The following KCNN4 variants were observed in gnomAD, a reference collection of about 807,000 sequenced individuals.
KCNN4 encodes intermediate conductance calcium-activated potassium channel protein 4.
In KCNN4, 31 loss-of-function variants were observed where a neutral mutation model predicts 45.2. That is an observed-to-expected ratio of 0.69 (90% confidence interval 0.52 to 0.92). The LOEUF is 0.92. Among genes scored for constraint, KCNN4 ranks in the 40% least tolerant of loss-of-function variants. KCNN4 has a pLI of 0.00. For missense variants in KCNN4, 463 were observed against 574.0 expected (o/e 0.81, Z 1.98); for synonymous variants, 231 against 254.6 (o/e 0.91, Z 0.88).
In KCNN4 at chr19:43,772,241, C is replaced by T; in HGVS notation, c.684-106G>A. ...CCATCCCCTTCCCTCTGGTTCCCTC[C>T]CTTCCCCTCCCAGTATACACCCATA... On this transcript the variant is annotated intron_variant, in intron 3 of 8. Coordinates refer to ENST00000648319, the MANE Select transcript of KCNN4 (RefSeq NM_002250.3). The surrounding 1 kb of genome is among the most constrained non-coding windows in gnomAD (Gnocchi z 4.4). The T allele has an allele frequency of 8.1e-7, 1 of 1,232,050 alleles. No homozygotes were observed. The highest frequency in any genetic ancestry group is 1.1e-6 in the Non-Finnish European group (1 of 887,412). The allele number at this position is 1,232,050 out of a possible 1,614,324, so 76.3% of individuals were successfully genotyped here.
At chr19:43,770,758 G>A (rs925349305) in intron 4 of KCNN4, among the ~76,000 whole-genome samples, 11 of 152,176 alleles carry the variant, frequency 7.2e-5, no homozygotes, top group Admixed American at 5.9e-4. Flanking sequence ...TATGTGCTCC[G>A]GAAAAGTAAG....
At position 43,772,511 on chromosome 19, in the gene KCNN4, G is replaced by A. The variant is rs1433684170; in HGVS notation, c.684-376C>T. 6.6e-6 allele frequency among the ~76,000 whole-genome samples: 1 copy of A among 152,150 alleles called. No individual in the cohort carries two copies. Among genetic ancestry groups the A allele is most frequent in the Non-Finnish European group, 1.5e-5 (1 of 68,040 alleles). On this transcript the variant is annotated intron_variant, in intron 3 of 8. Transcript: ENST00000648319. This position sits in a 1 kb window ranked among gnomAD's most constrained non-coding sequence, Gnocchi z 4.4. The stretch of plus-strand genomic sequence containing the variant: ...AAACCCAGTCAGACCCTGACTGGTG[G>A]CTACATCCACCCAGAGGAAGGGGTA...
Position 43,776,644 on chromosome 19 carries a change from G to T in KCNN4, c.160-8C>A, listed in dbSNP as rs775420730. The T allele has an allele frequency of 3.1e-6, 5 of 1,598,096 alleles. No homozygotes were observed. Among genetic ancestry groups the T allele is most frequent in the Non-Finnish European group, 4.3e-6 (5 of 1,165,462 alleles). ...GAACAGGTAGAGCGCCCACTGTCAG[G>T]GGGGACGGAAAAAGCGGTGTGAGAT... On this transcript the variant is annotated splice_region_variant and splice_polypyrimidine_tract_variant and intron_variant, in intron 1 of 8. Transcript: ENST00000648319.
Position 43,769,116 on chromosome 19 carries a change from G to C in KCNN4, c.1050-84C>G. 6 of 1,401,916 alleles carry C rather than the reference G, an allele frequency of 4.3e-6. No homozygotes were observed. Among genetic ancestry groups the C allele is most frequent in the Non-Finnish European group, 6.1e-6 (6 of 987,524 alleles). The allele number at this position is 1,401,916 out of a possible 1,614,324, so 86.8% of individuals were successfully genotyped here. On this transcript the variant is annotated intron_variant, in intron 6 of 8. Transcript: ENST00000648319. The surrounding 1 kb of genome is among the most constrained non-coding windows in gnomAD (Gnocchi z 4.4). ...TCAGGGGAGGAATGAAGGGAGGAGA[G>C]GCACATGAAGAAACAAAACAAAGAA...
At chr19:43,767,325 G>A in intron 8 of KCNN4, 1 of 572,534 alleles carries the variant, frequency 1.7e-6, no homozygotes, top group Non-Finnish European at 3.1e-6. Flanking sequence ...AGAGGGAGAA[G>A]GCCATCAAGG....
rs148101715 is a variant in KCNN4, at chr19:43,780,812, C to A, written c.50G>T (p.Arg17Leu). The change falls in exon 1 of 9, where the codon CGC (arginine) becomes CTC (leucine). Residue 17 changes from arginine (R) to leucine (L), a missense_variant. Around this residue, in one of 3 missense-constraint regions of KCNN4, gnomAD observed 225 missense variants for 240.9 expected, o/e 0.93. Transcript: ENST00000648319. ...CAGAGACTTCTCCTGCTCCAGCAAG[C>A]GCTTTCGGCGTCTCAAGGCCCCCAG... ...LGLGALRRRK[R>L]LLEQEKSLAG... 2 of 1,614,032 alleles carry A rather than the reference C, an allele frequency of 1.2e-6. No homozygotes were observed. Among genetic ancestry groups the A allele is most frequent in the East Asian group, 4.5e-5 (2 of 44,872 alleles).
In KCNN4 at chr19:43,774,282, A is replaced by C. The variant is rs763151870; in HGVS notation, c.593T>G (p.Leu198Arg). 4 of 1,612,842 alleles carry C rather than the reference A, an allele frequency of 2.5e-6. No individual in the cohort carries two copies. The South Asian group carries it at 4.4e-5, about 18-fold the overall frequency. Residue 198 changes from leucine (L) to arginine (R), a missense_variant, in exon 3 of 9, where the codon CTT (leucine) becomes CGT (arginine). Transcript: ENST00000648319. The surrounding 1 kb of genome is among the most constrained non-coding windows in gnomAD (Gnocchi z 5.6). Reference protein sequence around the residue: ...VRFRHWFVAKLYMNTHPGRLL... With the variant: ...VRFRHWFVAKRYMNTHPGRLL... ...GCGGCCAGGGTGCGTGTTCATGTAA[A>C]GCTTGGCCACGAACCAGTGGCGGAA... is the stretch of plus-strand genomic sequence containing the variant.
rs143769673 is a variant in KCNN4 at position 43,773,032 on chromosome 19, G to A, written c.684-897C>T. ...AAGGAGTTTAAACTCATGACAGAGG[G>A]CGGGCATGGTAATCCCAGCACTTTG... is the stretch of plus-strand genomic sequence containing the variant. On this transcript the variant is annotated intron_variant, in intron 3 of 8. Transcript: ENST00000648319. Among the ~76,000 whole-genome samples the A allele has an allele frequency of 6.8e-3, 1,038 of 152,328 alleles. 11 individuals carry two copies. Among genetic ancestry groups the A allele is most frequent in the African/African-American group, 0.023 (962 of 41,572 alleles).
At position 43,780,822 on chromosome 19, in the gene KCNN4, G is replaced by A. The variant is rs201622697; in HGVS notation, c.40C>T (p.Arg14Cys). 6.3e-5 allele frequency: 101 copies of A among 1,613,872 alleles called. No individual in the cohort carries two copies. The highest frequency in any genetic ancestry group is 1.6e-4 in the Middle Eastern group (1 of 6,084). ...TCCTGCTCCAGCAAGCGCTTTCGGC[G>A]TCTCAAGGCCCCCAGGCCAAGCACC... Reference protein sequence around the residue: ...DLVLGLGALRRRKRLLEQEKS... With the variant: ...DLVLGLGALRCRKRLLEQEKS... Residue 14 changes from arginine to cysteine, a missense_variant, in exon 1 of 9, where the codon CGC becomes TGC. Arg to Cys is a radical substitution (Grantham distance 180). Transcript: ENST00000648319.
In KCNN4 at chr19:43,766,546, AT is replaced by A. The variant is rs575863585; in HGVS notation, c.*546del. 3.1e-3 allele frequency: 478 copies of A among 152,382 alleles called. 3 individuals carry two copies. The highest frequency in any genetic ancestry group is 3.8e-3 in the Non-Finnish European group (258 of 68,056). The allele number at this position is 152,382 out of a possible 1,614,324, so 9.4% of individuals were successfully genotyped here. On this transcript the variant is annotated 3_prime_UTR_variant, in exon 9 of 9. Transcript: ENST00000648319. ...AGAAATGGCAACTTCTGGCTTTAAC[AT>A]TTATTACAAAGATAAGAGCAGAGGC...
intron 7 of KCNN4, among the ~76,000 whole-genome samples, chr19:43,768,127 G>T (rs1969533793): frequency 6.6e-6 from 1 of 152,218 alleles, no homozygotes; most frequent in African/African-American, 2.4e-5. Context: ...ATCCCTGAGG[G>T]TTTGTGGATT....
chr19:43,772,095 A>G lies in KCNN4; in HGVS notation c.724T>C (p.Trp242Arg), dbSNP rs1197930453. 6.2e-7 allele frequency: 1 copy of G among 1,613,684 alleles called. No individual in the cohort carries two copies. Residue 242 changes from tryptophan to arginine, a missense_variant, in exon 4 of 9, where the codon TGG (tryptophan) becomes CGG (arginine). Physicochemically the swap from Trp to Arg is moderately radical, Grantham distance 101. Transcript: ENST00000648319. The surrounding 1 kb of genome is among the most constrained non-coding windows in gnomAD (Gnocchi z 4.4). ...NATGHLSDTL[W>R]LIPITFLTIG... ...GTCAGGAATGTGATGGGGATCAGCC[A>G]AAGTGTGTCTGAAAGGTGCCCAGTG...
chr19:43,768,868 C>G, intron 7 of KCNN4, 95 bp downstream of exon 7: 1 of 1,185,372 alleles, frequency 8.4e-7, no homozygotes, highest in South Asian at 1.2e-5. Flanking sequence ...GTGTGCCAGG[C>G]CCCTGCCAAG....
At chr19:43,777,326 G>GTGTGTGT (rs1555725374) in intron 1 of KCNN4, among the ~76,000 whole-genome samples, 2,436 of 141,464 alleles carry the variant, frequency 0.017, 38 homozygotes, top group Middle Eastern at 0.028. Flanking sequence ...TGTGTGTGTG[G>GTGTGTGT]GTGTGTGTGT....
intron 8 of KCNN4, chr19:43,767,331 C>G (rs1969507632): frequency 1.7e-6 from 1 of 590,272 alleles, no homozygotes. Flanking sequence ...AGAAGGCCAT[C>G]AAGGGTCAGT....
rs141157977 is a variant in KCNN4 at position 43,768,603 on chromosome 19, C to T, written c.1119+360G>A. ...TTCATTTTAATTGTATTGGTTTTGC[C>T]GTCTATGGGCTTGGTTTGTAAATTT... On this transcript the variant is annotated intron_variant, in intron 7 of 8. Transcript: ENST00000648319. Among the ~76,000 whole-genome samples the T allele has an allele frequency of 2.4e-3, 359 of 152,226 alleles. 3 individuals are homozygous for T. Among genetic ancestry groups the T allele is most frequent in the African/African-American group, 8.3e-3 (345 of 41,548 alleles).
chr19:43,777,659 G>C (rs900393895), intron 1 of KCNN4, among the ~76,000 whole-genome samples: 2 of 148,594 alleles, frequency 1.3e-5, no homozygotes, highest in African/African-American at 5.0e-5. Context: ...CAGAAACCAC[G>C]GAGAAATTGT....
At chr19:43,777,320 T>TGTGTGTGTGTGTGTGTGG (rs1247716395) in intron 1 of KCNN4, among the ~76,000 whole-genome samples, 3 of 149,172 alleles carry the variant, frequency 2.0e-5, no homozygotes, top group African/African-American at 7.5e-5. Flanking sequence ...TGTGTGTGTG[T>TGTGTGTGTGTGTGTGTGG]GTGTGGGTGT....
Position 43,769,178 on chromosome 19 carries a change from T to A in KCNN4, c.1050-146A>T. 2 of 876,712 alleles carry A rather than the reference T, an allele frequency of 2.3e-6. No homozygotes were observed. The highest frequency in any genetic ancestry group is 1.5e-5 in the South Asian group (1 of 66,336). The allele number at this position is 876,712 out of a possible 1,614,324, so 54.3% of individuals were successfully genotyped here. A position where few individuals can be genotyped will look rare whatever the true frequency, so the allele number is the denominator to read the frequency against. Reference sequence around the variant, plus strand: ...GAAGAGCTGAAAGAGTGGGAGGGGATGCACCCTGCCTCCCCACGAGCCCCC... The same window carrying A: ...GAAGAGCTGAAAGAGTGGGAGGGGAAGCACCCTGCCTCCCCACGAGCCCCC... On this transcript the variant is annotated intron_variant, in intron 6 of 8. Coordinates refer to ENST00000648319, the MANE Select transcript of KCNN4 (RefSeq NM_002250.3). The surrounding 1 kb of genome is among the most constrained non-coding windows in gnomAD (Gnocchi z 4.4).
Sources: gnomAD v4.1 joint callset for allele counts (sites outside exome capture counted in the v4.1 genomes callset) on GRCh38, gnomAD v4.1.1 for gene constraint, gnomAD v4.1.1 regional missense constraint, Gnocchi (gnomAD v3.1) non-coding constraint, MANE v1.5 for transcripts, NCBI Gene and HGNC (gene_info 2026-07-23, HGNC 2026-07-21) for gene names.